ZNRF1: variants seen among roughly 807,000 people sequenced by gnomAD.
ZNRF1 encodes zinc and ring finger 1, also known as E3 ubiquitin-protein ligase ZNRF1.
ZNRF1 carries 3 observed loss-of-function variants against 18.4 expected under a neutral mutation model. That is an observed-to-expected ratio of 0.16 (90% CI 0.07 to 0.42). ZNRF1 has a LOEUF of 0.42. ZNRF1 is among the 10% of genes least tolerant of loss of function. The pLI is 0.99. For missense variants in ZNRF1, 310 were observed against 329.8 expected, an observed-to-expected ratio of 0.94 and a Z score of 0.47; for synonymous variants, 157 against 144.2, an observed-to-expected ratio of 1.09 and a Z score of -0.64.
intron 1 of ZNRF1, among the ~76,000 whole-genome samples, chr16:75,085,508 T>C (rs1450106949): frequency 6.6e-6 from 1 of 152,228 alleles, no homozygotes; most frequent in Non-Finnish European, 1.5e-5. Flanking sequence ...TAAATGACTA[T>C]TTGTAGGTAT....
chr16:75,044,960 A>G (rs1482788412), intron 1 of ZNRF1, among the ~76,000 whole-genome samples: 1 of 152,164 alleles, frequency 6.6e-6, no homozygotes, highest in Non-Finnish European at 1.5e-5. Flanking sequence ...TAATACTTCC[A>G]CCAGAAGAAG....
chr16:75,064,582 C>T (rs2035780363), intron 1 of ZNRF1, among the ~76,000 whole-genome samples: 1 of 149,886 alleles, frequency 6.7e-6, no homozygotes, highest in African/African-American at 2.4e-5. Context: ...AAAAAGCGTG[C>T]TTAGAGCAGA....
chr16:75,007,804 CAG>C (rs1231673203), intron 1 of ZNRF1, among the ~76,000 whole-genome samples: 1 of 152,176 alleles, frequency 6.6e-6, no homozygotes, highest in Non-Finnish European at 1.5e-5. Flanking sequence ...TCTCCCCAAA[CAG>C]AGAAATAAAC....
At chr16:75,080,344 G>A (rs757344480) in intron 1 of ZNRF1, among the ~76,000 whole-genome samples, 32 of 152,218 alleles carry the variant, frequency 2.1e-4, no homozygotes, top group Non-Finnish European at 3.8e-4. Context: ...GGCATCAACT[G>A]ATGTAAGTTA....
At chr16:75,065,178 C>T (rs969067248) in intron 1 of ZNRF1, among the ~76,000 whole-genome samples, 10 of 152,180 alleles carry the variant, frequency 6.6e-5, no homozygotes, top group African/African-American at 2.2e-4. Context: ...GAGCTGAAGA[C>T]GAGGAAAAGC....
At chr16:75,064,347 A>G (rs1387650019) in intron 1 of ZNRF1, among the ~76,000 whole-genome samples, 2 of 151,828 alleles carry the variant, frequency 1.3e-5, no homozygotes, top group Non-Finnish European at 2.9e-5. Flanking sequence ...CCTGAGGTCA[A>G]GCATTCAAGA....
intron 2 of ZNRF1, among the ~76,000 whole-genome samples, chr16:75,097,608 T>G (rs1269930722): frequency 6.6e-6 from 1 of 152,090 alleles, no homozygotes; most frequent in Non-Finnish European, 1.5e-5. Context: ...TTGCTTGAGC[T>G]CAGGAATTTG....
intron 1 of ZNRF1, among the ~76,000 whole-genome samples, chr16:75,040,932 A>G (rs2035440507): frequency 6.6e-6 from 1 of 152,064 alleles, no homozygotes; most frequent in Non-Finnish European, 1.5e-5. Flanking sequence ...TTAAGTTCAT[A>G]TGTGTTGAGT....
intron 1 of ZNRF1, among the ~76,000 whole-genome samples, chr16:75,002,545 TTCAG>T (rs1421295527): frequency 1.3e-5 from 2 of 151,952 alleles, no homozygotes; most frequent in African/African-American, 4.8e-5. Flanking sequence ...CATGAGGGAG[TTCAG>T]TGTATACAAG....
chr16:75,073,226 A>G (rs571219549), intron 1 of ZNRF1, among the ~76,000 whole-genome samples: 1 of 152,158 alleles, frequency 6.6e-6, no homozygotes, highest in South Asian at 2.1e-4. Context: ...ACATAGATTT[A>G]TATACATAAA....
rs1252116965 is a variant in ZNRF1, at chr16:74,999,051, G to C, written c.-621G>C. Reference sequence around the variant, plus strand: ...TGTCTCCACGGCGGCGAGGAGCGCCGGCGAGCGCAGCCCGGGACCGAGCGG... The same window carrying C: ...TGTCTCCACGGCGGCGAGGAGCGCCCGCGAGCGCAGCCCGGGACCGAGCGG... On this transcript the variant is annotated 5_prime_UTR_variant, in exon 1 of 5. Coordinates refer to ENST00000335325, the MANE Select transcript of ZNRF1 (RefSeq NM_032268.5). 1 of 150,556 alleles carries C rather than the reference G, an allele frequency of 6.6e-6. No individual in the cohort carries two copies. Among genetic ancestry groups the C allele is most frequent in the African/African-American group, 2.4e-5 (1 of 41,214 alleles). The allele number at this position is 150,556 out of a possible 1,614,324, so 9.3% of individuals were successfully genotyped here. A position where few individuals can be genotyped will look rare whatever the true frequency, so the allele number is the denominator to read the frequency against.
At chr16:75,085,821 A>AGTGTGT (rs369370172) in intron 1 of ZNRF1, among the ~76,000 whole-genome samples, 9 of 146,240 alleles carry the variant, frequency 6.2e-5, no homozygotes, top group Admixed American at 2.7e-4. Context: ...AGAGAGAGTG[A>AGTGTGT]GTGTGTGTGT....
intron 1 of ZNRF1, among the ~76,000 whole-genome samples, chr16:75,016,097 T>C (rs1244965702): frequency 7.1e-6 from 1 of 141,438 alleles, no homozygotes; most frequent in African/African-American, 2.6e-5. Flanking sequence ...ATTTTTTGTA[T>C]TTTTAGTAGA....
At chr16:75,013,619 A>C (rs1380244803) in intron 1 of ZNRF1, among the ~76,000 whole-genome samples, 1 of 152,156 alleles carries the variant, frequency 6.6e-6, no homozygotes, top group African/African-American at 2.4e-5. Context: ...TGCTGGGATT[A>C]CAGGCGTGAG....
intron 1 of ZNRF1, among the ~76,000 whole-genome samples, chr16:75,018,820 T>C (rs962251234): frequency 6.6e-6 from 1 of 152,202 alleles, no homozygotes; most frequent in Non-Finnish European, 1.5e-5. Flanking sequence ...TTTGCACATA[T>C]GTCATAAAAT....
At chr16:75,010,151 T>G (rs747203911) in intron 1 of ZNRF1, among the ~76,000 whole-genome samples, 17 of 151,946 alleles carry the variant, frequency 1.1e-4, no homozygotes, top group Non-Finnish European at 2.2e-4. Context: ...CCCTGCTAAT[T>G]TTTGTATTTT....
At chr16:75,104,543 T>G (rs922466778) in intron 2 of ZNRF1, 2 of 358,020 alleles carry the variant, frequency 5.6e-6, no homozygotes, top group Admixed American at 8.9e-5. Flanking sequence ...AGGCTTTTGG[T>G]TAATCACATG....
intron 1 of ZNRF1, among the ~76,000 whole-genome samples, chr16:75,089,732 A>C (rs1253265474): frequency 1.3e-5 from 2 of 152,168 alleles, no homozygotes; most frequent in East Asian, 1.9e-4. Context: ...GGATTGCTCT[A>C]AACTTGAGTC....
chr16:75,049,358 C>G (rs778654972), intron 1 of ZNRF1, among the ~76,000 whole-genome samples: 2 of 151,928 alleles, frequency 1.3e-5, no homozygotes, highest in African/African-American at 4.8e-5. Flanking sequence ...GACCAGGTCT[C>G]GCTCTGTTGC....
Sources: allele counts gnomAD v4.1 joint callset (sites outside exome capture counted in the v4.1 genomes callset), GRCh38; gene constraint gnomAD v4.1.1; transcripts MANE v1.5; gene names NCBI Gene and HGNC (gene_info 2026-07-23, HGNC 2026-07-21).